The following SUMF1 variants were observed in gnomAD, a reference collection of about 807,000 sequenced individuals.
SUMF1 encodes formylglycine-generating enzyme.
In SUMF1, 48 loss-of-function variants were observed where a neutral mutation model predicts 47.6. The ratio of observed to expected loss-of-function variants is 1.01; its 90% CI spans 0.80 to 1.28. The LOEUF is 1.28. Ranked by LOEUF, SUMF1 falls within the 50% of genes most tolerant of loss-of-function variation. The probability of loss-of-function intolerance (pLI) is 0.00; values close to 1 mark genes in which losing one functional copy is unlikely to be tolerated. For missense variants in SUMF1, 571 were observed against 485.4 expected, an observed-to-expected ratio of 1.18 and a Z score of -1.66; for synonymous variants, 230 against 192.1, an observed-to-expected ratio of 1.20 and a Z score of -1.63.
chr3:4,105,391 A>G lies in SUMF1; in HGVS notation c.1015-36646T>C, dbSNP rs79572573. Among the ~76,000 whole-genome samples, 22 of 152,284 alleles carry G rather than the reference A, an allele frequency of 1.4e-4. No homozygotes were observed. The East Asian group carries it at 4.0e-3, about 28-fold the overall frequency. On this transcript the variant is annotated intron_variant and NMD_transcript_variant, in intron 8 of 12. Transcript: ENST00000448413. The stretch of plus-strand genomic sequence containing the variant: ...TAAATTTTCCTCAATTACAAAACTT[A>G]AGTTTTCTGCAGTGAGCCTGACTAA...
Position 4,271,520 on chromosome 3 carries a change from T to C in SUMF1, c.1014+104810A>G, listed in dbSNP as rs534033108. 2.2e-5 allele frequency among the ~76,000 whole-genome samples: 3 copies of C among 139,016 alleles called. No individual in the cohort carries two copies. In the South Asian group the frequency reaches 6.8e-4, roughly 31 times the overall value. 91.2% of individuals were successfully genotyped at this position (139,016 alleles called of 152,430 possible). A position where few individuals can be genotyped will look rare whatever the true frequency, so the allele number is the denominator to read the frequency against. ...ATAGATAGATAGATAGATAGATAGA[T>C]ACAGAGAGGATCTCAACATTGCCCA... On this transcript the variant is annotated intron_variant and NMD_transcript_variant, in intron 8 of 12. Transcript: ENST00000448413.
At chr3:4,425,741 G>T (rs1198549602) in intron 3 of SUMF1, among the ~76,000 whole-genome samples, 1 of 152,158 alleles carries the variant, frequency 6.6e-6, no homozygotes, top group Non-Finnish European at 1.5e-5. Flanking sequence ...CCATTCTCAT[G>T]CTGCTAATAA....
At chr3:4,213,697 A>T (rs1260261271) in intron 8 of SUMF1, among the ~76,000 whole-genome samples, 2 of 152,196 alleles carry the variant, frequency 1.3e-5, no homozygotes, top group African/African-American at 2.4e-5. Context: ...ATAGGCTCAA[A>T]ATAAAGGGAT....
chr3:4,290,248 A>G (rs1302204558), intron 8 of SUMF1, among the ~76,000 whole-genome samples: 1 of 147,610 alleles, frequency 6.8e-6, no homozygotes, highest in African/African-American at 2.7e-5. Context: ...TGTACTCGTT[A>G]TAACTTGAAC....
intron 8 of SUMF1, among the ~76,000 whole-genome samples, chr3:4,340,366 G>A (rs11925460): frequency 0.05 from 7,589 of 152,104 alleles, 643 homozygotes; most frequent in African/African-American, 0.17. Flanking sequence ...TATTTGTGTC[G>A]TCTTTTCCTG....
At chr3:4,062,390 CA>C (rs1185645539) in intron 9 of SUMF1, among the ~76,000 whole-genome samples, 1 of 152,058 alleles carries the variant, frequency 6.6e-6, no homozygotes, top group Non-Finnish European at 1.5e-5. Context: ...AGGGTCACAC[CA>C]GGTGTAACAC....
chr3:4,041,282 G>T (rs1233525690), intron 9 of SUMF1, among the ~76,000 whole-genome samples: 1 of 152,134 alleles, frequency 6.6e-6, no homozygotes, highest in Non-Finnish European at 1.5e-5. Flanking sequence ...ATGTTGGCCA[G>T]GCTGGTCTTG....
At chr3:4,126,555 T>C (rs186658966) in intron 8 of SUMF1, among the ~76,000 whole-genome samples, 2 of 152,218 alleles carry the variant, frequency 1.3e-5, no homozygotes, top group Admixed American at 1.3e-4. Flanking sequence ...AGACCTTTGA[T>C]TGTTAGAAGC....
chr3:4,045,812 G>C (rs957381793), intron 9 of SUMF1, among the ~76,000 whole-genome samples: 1 of 152,180 alleles, frequency 6.6e-6, no homozygotes, highest in Non-Finnish European at 1.5e-5. Context: ...GACAGAGTCT[G>C]CAGGGATAGG....
chr3:4,107,860 G>A (rs2125066771), intron 8 of SUMF1, among the ~76,000 whole-genome samples: 1 of 152,190 alleles, frequency 6.6e-6, no homozygotes, highest in South Asian at 2.1e-4. Flanking sequence ...GTTTGACCTA[G>A]TAATTCCATT....
At chr3:4,153,875 G>A (rs74461482) in intron 8 of SUMF1, among the ~76,000 whole-genome samples, 4,369 of 151,480 alleles carry the variant, frequency 0.029, 346 homozygotes, top group East Asian at 0.18. Context: ...TAGGAGGCAG[G>A]GAGGTCAAGT....
intron 8 of SUMF1, among the ~76,000 whole-genome samples, chr3:4,284,113 G>A (rs1697582405): frequency 6.6e-6 from 1 of 152,048 alleles, no homozygotes; most frequent in Non-Finnish European, 1.5e-5. Context: ...AGAACGCGAA[G>A]TGCTAACAAA....
chr3:4,443,364 A>G (rs1166147450), intron 3 of SUMF1, among the ~76,000 whole-genome samples: 1 of 152,216 alleles, frequency 6.6e-6, no homozygotes, highest in African/African-American at 2.4e-5. Context: ...ACAAACTCAG[A>G]TGAGGTAGAG....
intron 9 of SUMF1, among the ~76,000 whole-genome samples, chr3:4,041,303 C>T (rs533296610): frequency 6.6e-6 from 1 of 152,278 alleles, no homozygotes; most frequent in South Asian, 2.1e-4. Flanking sequence ...AACTCCTGAC[C>T]TCAAGTGATC....
intron 7 of SUMF1, among the ~76,000 whole-genome samples, chr3:4,393,984 T>C (rs372661673): frequency 3.3e-5 from 5 of 152,292 alleles, no homozygotes; most frequent in Non-Finnish European, 7.3e-5. Context: ...ATCCTGATTC[T>C]CAACAAGCCA....
intron 8 of SUMF1, among the ~76,000 whole-genome samples, chr3:4,173,466 G>C (rs1404023010): frequency 7.9e-5 from 12 of 152,312 alleles, no homozygotes; most frequent in East Asian, 1.9e-4. Context: ...GTGGAAGACA[G>C]TGTGGCAATT....
chr3:4,426,806 T>C (rs991082256), intron 3 of SUMF1, among the ~76,000 whole-genome samples: 6 of 152,228 alleles, frequency 3.9e-5, no homozygotes, highest in African/African-American at 1.4e-4. Context: ...TTTCCAGAGT[T>C]ACAGCACTCC....
intron 8 of SUMF1, among the ~76,000 whole-genome samples, chr3:4,340,270 C>A (rs1699243702): frequency 6.6e-6 from 1 of 152,166 alleles, no homozygotes; most frequent in Non-Finnish European, 1.5e-5. Context: ...GAACCACTTA[C>A]CACACACTGT....
chr3:4,367,121 G>T (rs1439539056), intron 8 of SUMF1, among the ~76,000 whole-genome samples: 1 of 151,872 alleles, frequency 6.6e-6, no homozygotes, highest in Non-Finnish European at 1.5e-5. Flanking sequence ...GTGTCAGTCT[G>T]CCCCTACTGG....
Sources: allele counts gnomAD v4.1 joint callset (sites outside exome capture counted in the v4.1 genomes callset), GRCh38; gene constraint gnomAD v4.1.1; transcripts MANE v1.5; gene names NCBI Gene and HGNC (gene_info 2026-07-23, HGNC 2026-07-21).